SPATA13: variants seen among roughly 807,000 people sequenced by gnomAD.
SPATA13 encodes spermatogenesis-associated protein 13.
A neutral mutation model predicts 104.0 loss-of-function variants in SPATA13; 50 were observed. The ratio of observed to expected loss-of-function variants is 0.48; its 90% CI spans 0.38 to 0.61. The LOEUF (loss-of-function observed/expected upper bound fraction) is 0.61. Ranked by LOEUF, SPATA13 falls within the 20% of genes least tolerant of loss-of-function variation. The probability of loss-of-function intolerance (pLI) is 0.00; values close to 1 mark genes in which losing one functional copy is unlikely to be tolerated. For synonymous variants in SPATA13, 606 were observed against 667.5 expected (o/e 0.91, Z 1.42); for missense variants, 1,524 against 1,690.6 (o/e 0.90, Z 1.73).
upstream of SPATA13, among the ~76,000 whole-genome samples, chr13:24,159,400 A>C (rs999862994): frequency 1.3e-5 from 2 of 152,250 alleles, no homozygotes; most frequent in African/African-American, 4.8e-5. Context: ...ATTATCATTA[A>C]TCTTGGAGTG....
intron 4 of SPATA13, among the ~76,000 whole-genome samples, chr13:24,261,311 A>C (rs1467187434): frequency 6.6e-6 from 1 of 152,190 alleles, no homozygotes; most frequent in Non-Finnish European, 1.5e-5. Flanking sequence ...CCTGGCTGAC[A>C]AGGAGCCTAG....
intron 2 of SPATA13, among the ~76,000 whole-genome samples, chr13:24,231,639 T>C (rs1872280039): frequency 6.6e-6 from 1 of 152,218 alleles, no homozygotes; most frequent in East Asian, 1.9e-4. Context: ...TTGCTAGGTC[T>C]TGTGACATTT....
chr13:24,016,888 C>T (rs542258081), intron 2 of SPATA13, among the ~76,000 whole-genome samples: 7 of 152,348 alleles, frequency 4.6e-5, no homozygotes, highest in East Asian at 1.9e-4. Context: ...GCGCTGCCCC[C>T]GCCCAGGCTC....
intron 3 of SPATA13, among the ~76,000 whole-genome samples, chr13:24,052,831 G>A (rs865936781): frequency 0.012 from 26 of 2,252 alleles, no homozygotes; most frequent in Non-Finnish European, 0.023. Flanking sequence ...GCCGCCAGGG[G>A]ATCCTCCCCG....
intron 2 of SPATA13, among the ~76,000 whole-genome samples, chr13:24,014,277 T>C (rs1876611214): frequency 6.6e-6 from 1 of 152,136 alleles, no homozygotes; most frequent in African/African-American, 2.4e-5. Flanking sequence ...CATATTGGAT[T>C]AGGCTCTCAC....
At chr13:24,077,043 A>G (rs556714296) in intron 3 of SPATA13, among the ~76,000 whole-genome samples, 29 of 152,170 alleles carry the variant, frequency 1.9e-4, no homozygotes, top group Admixed American at 1.0e-3. Flanking sequence ...AGTTTTCATT[A>G]TTATTATTTT....
At chr13:24,144,716 C>T (rs969944178) in intron 3 of SPATA13, among the ~76,000 whole-genome samples, 9 of 152,060 alleles carry the variant, frequency 5.9e-5, no homozygotes, top group Non-Finnish European at 7.4e-5. Context: ...CTTTGGCCAG[C>T]GTGGCGTAGT....
At chr13:24,136,004 G>T (rs1881553293) in intron 3 of SPATA13, among the ~76,000 whole-genome samples, 1 of 152,192 alleles carries the variant, frequency 6.6e-6, no homozygotes, top group African/African-American at 2.4e-5. Flanking sequence ...TCACTTTCCT[G>T]AGCAGAATTA....
chr13:24,246,012 A>G (rs1009105260), intron 2 of SPATA13, among the ~76,000 whole-genome samples: 1 of 152,192 alleles, frequency 6.6e-6, no homozygotes, highest in Non-Finnish European at 1.5e-5. Context: ...TGTACCCAGC[A>G]TCTGTCACTG....
intron 3 of SPATA13, among the ~76,000 whole-genome samples, chr13:24,091,186 A>G (rs774566571): frequency 6.6e-6 from 1 of 152,242 alleles, no homozygotes; most frequent in South Asian, 2.1e-4. Flanking sequence ...CCTCTCTGCT[A>G]GGAATGGGCC....
chr13:24,051,940 C>T lies in SPATA13; in HGVS notation c.-112+34239C>T, dbSNP rs1878355199. On this transcript the variant is annotated intron_variant, in intron 3 of 14. Transcript: ENST00000424834. The surrounding 1 kb of genome is among the most constrained non-coding windows in gnomAD (Gnocchi z 4.2). ...CCGGCCCACCCCTGCAGCTCCTCAC[C>T]AGGTTCAGACGTCCTGGCTCTGGTC... Among the ~76,000 whole-genome samples the T allele has an allele frequency of 6.6e-6, 1 of 152,186 alleles. No individual in the cohort carries two copies.
intron 3 of SPATA13, among the ~76,000 whole-genome samples, chr13:24,081,037 C>A (rs1311934847): frequency 6.6e-6 from 1 of 152,216 alleles, no homozygotes; most frequent in African/African-American, 2.4e-5. Context: ...TGAATATCAA[C>A]AAGTTTTGTT....
rs1436350597 is a variant in SPATA13 at position 24,051,523 on chromosome 13, G to A, written c.-112+33822G>A. Among the ~76,000 whole-genome samples, 1 of 152,202 alleles carries A rather than the reference G, an allele frequency of 6.6e-6. No homozygotes were observed. The highest frequency in any genetic ancestry group is 1.5e-5 in the Non-Finnish European group (1 of 68,038). On this transcript the variant is annotated intron_variant, in intron 3 of 14. Coordinates refer to the SPATA13 transcript ENST00000424834. The surrounding 1 kb of genome is among the most constrained non-coding windows in gnomAD (Gnocchi z 4.2). ...TCATGCACACCCAACCCTTAGGGGAGGAGATTATGCCCAGTGGGTGGTCCA... is the reference window on the plus strand; with the variant it reads ...TCATGCACACCCAACCCTTAGGGGAAGAGATTATGCCCAGTGGGTGGTCCA...
At chr13:24,067,835 G>A (rs1879019962) in intron 3 of SPATA13, among the ~76,000 whole-genome samples, 1 of 152,152 alleles carries the variant, frequency 6.6e-6, no homozygotes, top group South Asian at 2.1e-4. Context: ...CTCCCAAATA[G>A]CTGGGACTAC....
chr13:24,005,842 G>GCACA (rs1421207801), intron 2 of SPATA13, among the ~76,000 whole-genome samples: 3 of 152,198 alleles, frequency 2.0e-5, no homozygotes, highest in Non-Finnish European at 2.9e-5. Context: ...TCCTTTTTCT[G>GCACA]CACACAGCAG....
At chr13:23,990,476 C>T (rs1287674931) in intron 2 of SPATA13, among the ~76,000 whole-genome samples, 1 of 152,148 alleles carries the variant, frequency 6.6e-6, no homozygotes, top group African/African-American at 2.4e-5. Context: ...CTTGTTTCAG[C>T]ACCTTTGAAT....
chr13:24,180,177 G>T (rs2760357), intron 1 of SPATA13, among the ~76,000 whole-genome samples: 1 of 152,082 alleles, frequency 6.6e-6, no homozygotes, highest in Non-Finnish European at 1.5e-5. Flanking sequence ...TGCATATGGT[G>T]TAAGGGAAGA....
intron 3 of SPATA13, among the ~76,000 whole-genome samples, chr13:24,126,413 T>C (rs1470602976): frequency 6.6e-6 from 1 of 152,154 alleles, no homozygotes; most frequent in Non-Finnish European, 1.5e-5. Flanking sequence ...TGCTCCTCAG[T>C]AGATGTTGGA....
intron 9 of SPATA13, among the ~76,000 whole-genome samples, chr13:24,293,070 G>T (rs1163155252): frequency 2.2e-5 from 3 of 134,340 alleles, no homozygotes; most frequent in Non-Finnish European, 4.6e-5. Flanking sequence ...GGAAAGTAAA[G>T]AATAAGAGCA....
Sources: allele counts gnomAD v4.1 joint callset (sites outside exome capture counted in the v4.1 genomes callset), GRCh38; gene constraint gnomAD v4.1.1; non-coding constraint Gnocchi (gnomAD v3.1); transcripts MANE v1.5; gene names NCBI Gene and HGNC (gene_info 2026-07-23, HGNC 2026-07-21).